OR1L8: variants seen among roughly 807,000 people sequenced by gnomAD.
OR1L8 encodes the protein olfactory receptor 1L8.
For synonymous variants in OR1L8, 148 were observed against 147.0 expected, an observed-to-expected ratio of 1.01 and a Z score of -0.05; for missense variants, 330 against 377.4, an observed-to-expected ratio of 0.87 and a Z score of 1.04.
rs191252928 is a variant in OR1L8 at position 122,571,442 on chromosome 9, C to T, written c.-213+1338G>A. Reference sequence around the variant, plus strand: ...GCGGGGGCCTGTAATCCCAGCTACTCGGTAGGCTGAGGCAGGAGAATTGCT... The same window carrying T: ...GCGGGGGCCTGTAATCCCAGCTACTTGGTAGGCTGAGGCAGGAGAATTGCT... On this transcript the variant is annotated intron_variant, in intron 4 of 4. Transcript: ENST00000641027. Among the ~76,000 whole-genome samples the T allele has an allele frequency of 1.9e-3, 285 of 151,434 alleles. 1 individual carries two copies. The highest frequency in any genetic ancestry group is 6.8e-3 in the Middle Eastern group (2 of 294).
At chr9:122,571,441 T>A (rs1311555197) in intron 4 of OR1L8, among the ~76,000 whole-genome samples, 1 of 151,572 alleles carries the variant, frequency 6.6e-6, no homozygotes, top group Non-Finnish European at 1.5e-5. Flanking sequence ...TCCCAGCTAC[T>A]CGGTAGGCTG....
At chr9:122,575,884 T>C (rs1829645674) in intron 3 of OR1L8, among the ~76,000 whole-genome samples, 1 of 152,192 alleles carries the variant, frequency 6.6e-6, no homozygotes, top group South Asian at 2.1e-4. Context: ...GACCTACATC[T>C]CCCAATTTTG....
downstream of OR1L8, among the ~76,000 whole-genome samples, chr9:122,564,514 C>T (rs28824325): frequency 3.3e-5 from 5 of 152,144 alleles, no homozygotes; most frequent in East Asian, 1.9e-4. Context: ...TGCAGAGATT[C>T]GTGCCACCAT....
At chr9:122,553,753 A>C in the OR1L8 span, 1 of 1,613,560 alleles carries the variant, frequency 6.2e-7, no homozygotes, top group African/African-American at 1.3e-5. Context: ...CCTCATTTCT[A>C]TTGTGATCCT....
chr9:122,570,637 C>T (rs1241549166), intron 4 of OR1L8, among the ~76,000 whole-genome samples: 1 of 152,164 alleles, frequency 6.6e-6, no homozygotes, highest in African/African-American at 2.4e-5. Flanking sequence ...GTTCCCCAGC[C>T]ACCTCAGCGT....
At chr9:122,577,679 G>C (rs1208606742) in intron 2 of OR1L8, among the ~76,000 whole-genome samples, 1 of 152,128 alleles carries the variant, frequency 6.6e-6, no homozygotes, top group African/African-American at 2.4e-5. Context: ...GAGAGTGCAG[G>C]TGGAAATGTA....
chr9:122,563,181 G>GTTT (rs1394601999), downstream of OR1L8, among the ~76,000 whole-genome samples: 128 of 90,254 alleles, frequency 1.4e-3, no homozygotes, highest in African/African-American at 5.0e-3. Flanking sequence ...ACTAGCATTT[G>GTTT]TTATTTTTTT....
chr9:122,555,076 A>G, the OR1L8 span, among the ~76,000 whole-genome samples: 1 of 152,180 alleles, frequency 6.6e-6, no homozygotes, highest in Non-Finnish European at 1.5e-5. Context: ...TTATAGCTAC[A>G]TGTTTTGAAA....
intron 3 of OR1L8, among the ~76,000 whole-genome samples, chr9:122,574,581 A>T: frequency 6.6e-6 from 1 of 152,046 alleles, no homozygotes; most frequent in African/African-American, 2.4e-5. Flanking sequence ...AGTTCCAGGA[A>T]TTTTTTTGTC....
chr9:122,569,238 TC>T (rs2118716585), intron 4 of OR1L8, among the ~76,000 whole-genome samples: 1 of 152,328 alleles, frequency 6.6e-6, no homozygotes, highest in African/African-American at 2.4e-5. Context: ...AAATTGTTTT[TC>T]CCTTCTTTAA....
Position 122,568,251 on chromosome 9 carries a change from GT to G in OR1L8, c.226del (p.Thr76GlnfsTer8). On this transcript the variant is annotated frameshift_variant, in exon 5 of 5. Transcript: ENST00000641027. LOFTEE classifies it low-confidence loss of function (END_TRUNC). The stretch of plus-strand genomic sequence containing the variant: ...CATCAGCATCTTGGGGACAACGCTT[GT>G]TGTAAAGCAAATATCAGTGAGAGAC... ...FLSLTDICFT[T>X]SVVPKMLMNF... The G allele has an allele frequency of 1.2e-6, 2 of 1,614,042 alleles. No homozygotes were observed. Among genetic ancestry groups the G allele is most frequent in the Non-Finnish European group, 1.7e-6 (2 of 1,179,904 alleles).
downstream of OR1L8, among the ~76,000 whole-genome samples, chr9:122,566,575 T>C (rs1486324926): frequency 2.0e-5 from 3 of 152,218 alleles, no homozygotes; most frequent in Non-Finnish European, 2.9e-5. Context: ...TTACACTTTA[T>C]GGAATTAGTC....
the OR1L8 span, among the ~76,000 whole-genome samples, chr9:122,561,155 G>A: frequency 6.6e-6 from 1 of 152,252 alleles, no homozygotes; most frequent in East Asian, 1.9e-4. Context: ...TGAAGTTCTT[G>A]TGCTGTGTTT....
intron 1 of OR1L8, among the ~76,000 whole-genome samples, chr9:122,582,722 A>C (rs1159020116): frequency 6.6e-6 from 1 of 152,196 alleles, no homozygotes; most frequent in Non-Finnish European, 1.5e-5. Flanking sequence ...TCTCTTAAAA[A>C]AAGTTATTTT....
the OR1L8 span, among the ~76,000 whole-genome samples, chr9:122,558,311 CTTTTTTTTTT>C: frequency 3.8e-4 from 13 of 34,472 alleles, no homozygotes; most frequent in South Asian, 2.1e-3. Context: ...TTGGATTTTG[CTTTTTTTTTT>C]TTTTTTTTTT....
chr9:122,580,271 C>G (rs191024855), intron 1 of OR1L8, among the ~76,000 whole-genome samples: 19 of 152,210 alleles, frequency 1.2e-4, no homozygotes, highest in Admixed American at 9.2e-4. Flanking sequence ...ATAAGTGCAC[C>G]CAACTAATTC....
At chr9:122,569,893 T>C (rs1286490617) in intron 4 of OR1L8, among the ~76,000 whole-genome samples, 3 of 148,168 alleles carry the variant, frequency 2.0e-5, no homozygotes, top group Non-Finnish European at 3.0e-5. Context: ...TGTGTTCTCA[T>C]TGTTCAATTC....
the OR1L8 span, among the ~76,000 whole-genome samples, chr9:122,546,414 A>G: frequency 2.0e-5 from 3 of 152,184 alleles, no homozygotes; most frequent in African/African-American, 7.2e-5. Context: ...AAGCTTATGA[A>G]GTAAAGCAGC....
At chr9:122,578,913 C>T (rs146578397) in intron 1 of OR1L8, among the ~76,000 whole-genome samples, 7 of 151,960 alleles carry the variant, frequency 4.6e-5, no homozygotes, top group Admixed American at 4.6e-4. Context: ...AAACATGTAA[C>T]CAAACACCAC....
Sources: gnomAD v4.1 joint callset for allele counts (sites outside exome capture counted in the v4.1 genomes callset) on GRCh38, gnomAD v4.1.1 for gene constraint, MANE v1.5 for transcripts, NCBI Gene and HGNC (gene_info 2026-07-23, HGNC 2026-07-21) for gene names.